The following C1orf105 variants were observed in gnomAD, a reference collection of about 807,000 sequenced individuals.
C1orf105 encodes the protein chromosome 1 open reading frame 105, also known as uncharacterized protein C1orf105.
Under a neutral mutation model 20.8 loss-of-function variants are expected in C1orf105, and 17 were observed. The ratio of observed to expected loss-of-function variants is 0.82; its 90% CI spans 0.56 to 1.23. C1orf105 has a LOEUF of 1.23. Ranked by LOEUF, C1orf105 falls within the 50% of genes most tolerant of loss-of-function variation. The probability of loss-of-function intolerance (pLI) is 0.00; values close to 1 mark genes in which losing one functional copy is unlikely to be tolerated. For missense variants in C1orf105, 219 were observed against 213.5 expected (o/e 1.03, Z -0.16); for synonymous variants, 72 against 72.1 (o/e 1.00, Z 0.01).
chr1:172,453,133 G>T (rs1573878602), intron 3 of C1orf105: 2 of 1,551,020 alleles, frequency 1.3e-6, no homozygotes, highest in Non-Finnish European at 8.7e-7. Flanking sequence ...CCCTTCTCCA[G>T]ATAGAAATGG....
intron 3 of C1orf105, chr1:172,452,729 C>A: frequency 1.0e-6 from 1 of 965,704 alleles, no homozygotes; most frequent in Non-Finnish European, 1.2e-6. Flanking sequence ...TGGCTGAAAT[C>A]TGCATCATAC....
Position 172,452,507 on chromosome 1 carries a change from TAA to T in C1orf105, c.199-3907_199-3906del, listed in dbSNP as rs564983269. Among the ~76,000 whole-genome samples, 763 of 152,050 alleles carry T rather than the reference TAA, an allele frequency of 5.0e-3. 8 individuals carry two copies. The highest frequency in any genetic ancestry group is 0.018 in the African/African-American group (726 of 41,466). On this transcript the variant is annotated intron_variant, in intron 3 of 6. Coordinates refer to ENST00000367727, the MANE Select transcript of C1orf105 (RefSeq NM_139240.4). Reference sequence around the variant, plus strand: ...TTTGTTTTTTATGTGAACAGGTGTGTAAGAGAGAGAAAGAAAGGGAGCGAAAG... The same window carrying T: ...TTTGTTTTTTATGTGAACAGGTGTGTGAGAGAGAAAGAAAGGGAGCGAAAG...
intron 3 of C1orf105, among the ~76,000 whole-genome samples, chr1:172,454,707 T>A (rs1369675510): frequency 6.6e-6 from 1 of 151,828 alleles, no homozygotes; most frequent in Non-Finnish European, 1.5e-5. Flanking sequence ...CATTGCCTGT[T>A]TTTTTTTACC....
In C1orf105 at chr1:172,468,623, C is replaced by G. The variant is rs754596099; in HGVS notation, c.*29C>G. The G allele has an allele frequency of 1.6e-5, 26 of 1,596,340 alleles. No homozygotes were observed. The highest frequency in any genetic ancestry group is 2.1e-5 in the Non-Finnish European group (24 of 1,169,530). On this transcript the variant is annotated 3_prime_UTR_variant, in exon 7 of 7. Transcript: ENST00000367727. ...GTAGGAGCTCATCACCTCCCAGACTCCCAGAGAGAAAATAACCTCGCCAAG... is the reference window on the plus strand; with the variant it reads ...GTAGGAGCTCATCACCTCCCAGACTGCCAGAGAGAAAATAACCTCGCCAAG...
At chr1:172,452,689 T>C in intron 3 of C1orf105, 4 of 730,174 alleles carry the variant, frequency 5.5e-6, no homozygotes, top group Non-Finnish European at 6.7e-6. Context: ...ATGTTTCCAA[T>C]TGTCAAATGT....
At position 172,468,528 on chromosome 1, in the gene C1orf105, T is replaced by C; in HGVS notation, c.486T>C (p.Thr162=). Residue 162 remains threonine, a synonymous_variant, in exon 7 of 7, where the codon ACT becomes ACC. Transcript: ENST00000367727. ...FHGLLTEAYK[T]LKERQRSSLP... is the part of the protein sequence containing the mutation. ...GATTACTGACAGAGGCCTACAAAAC[T>C]CTAAAAGAGAGACAACGTTCTTCCT... 1 of 1,613,962 alleles carries C rather than the reference T, an allele frequency of 6.2e-7. No individual in the cohort carries two copies. The highest frequency in any genetic ancestry group is 8.5e-7 in the Non-Finnish European group (1 of 1,179,920).
intron 1 of C1orf105, among the ~76,000 whole-genome samples, chr1:172,425,568 C>A (rs1047210869): frequency 2.6e-5 from 4 of 152,066 alleles, no homozygotes; most frequent in African/African-American, 7.3e-5. Context: ...AAGGAGTATG[C>A]CTTATCAGGC....
At chr1:172,430,783 G>A (rs1449430890) in intron 1 of C1orf105, among the ~76,000 whole-genome samples, 1 of 152,190 alleles carries the variant, frequency 6.6e-6, no homozygotes, top group Non-Finnish European at 1.5e-5. Context: ...TGGCAACCTT[G>A]TGTTAAGCAA....
At chr1:172,464,593 G>A (rs901246605) in intron 5 of C1orf105, among the ~76,000 whole-genome samples, 1 of 150,992 alleles carries the variant, frequency 6.6e-6, no homozygotes, top group Non-Finnish European at 1.5e-5. Flanking sequence ...TAACCAAAAT[G>A]TTTTCTCAGC....
chr1:172,450,364 T>C (rs1440069327), intron 3 of C1orf105, among the ~76,000 whole-genome samples: 1 of 152,144 alleles, frequency 6.6e-6, no homozygotes, highest in Non-Finnish European at 1.5e-5. Context: ...GTACCTCCAG[T>C]CATATTCTTT....
intron 1 of C1orf105, chr1:172,441,998 T>C: frequency 1.2e-6 from 2 of 1,614,050 alleles, no homozygotes; most frequent in Non-Finnish European, 1.7e-6. Context: ...AGGGCAAAAA[T>C]CTGAATGGCA....
At chr1:172,434,286 T>C (rs868111163) in intron 1 of C1orf105, among the ~76,000 whole-genome samples, 2 of 152,142 alleles carry the variant, frequency 1.3e-5, no homozygotes, top group Non-Finnish European at 2.9e-5. Context: ...CCACCCCACA[T>C]CAACAAAATA....
At chr1:172,456,240 C>T (rs1228779620) in intron 3 of C1orf105, among the ~76,000 whole-genome samples, 175 bp from the exon 4 acceptor site, 11 of 152,180 alleles carry the variant, frequency 7.2e-5, no homozygotes, top group Non-Finnish European at 1.5e-4. Context: ...CTACCAGCTG[C>T]AGCACACTCC....
At chr1:172,465,239 A>T in intron 5 of C1orf105, 60 bp from the exon 6 acceptor site, 1 of 943,836 alleles carries the variant, frequency 1.1e-6, no homozygotes, top group Non-Finnish European at 1.6e-6. Flanking sequence ...ATAAAGGCAC[A>T]TTTCTTTCTA....
chr1:172,467,791 G>A (rs1650167614), intron 6 of C1orf105, among the ~76,000 whole-genome samples: 1 of 152,230 alleles, frequency 6.6e-6, no homozygotes, highest in East Asian at 1.9e-4. Context: ...TTCCCAATGG[G>A]AAGATGTTAT....
intron 4 of C1orf105, among the ~76,000 whole-genome samples, chr1:172,458,783 T>C (rs1298303334): frequency 3.9e-5 from 6 of 152,182 alleles, no homozygotes; most frequent in Non-Finnish European, 5.9e-5. Flanking sequence ...CTCATACTTC[T>C]TGATTTTAAA....
intron 1 of C1orf105, among the ~76,000 whole-genome samples, chr1:172,433,382 A>G (rs189759594): frequency 5.1e-4 from 77 of 152,354 alleles, no homozygotes; most frequent in Non-Finnish European, 2.6e-4. Context: ...AAAGGGAAGC[A>G]CATCAGACTA....
chr1:172,446,931 T>C (rs1648082156), intron 2 of C1orf105, among the ~76,000 whole-genome samples: 1 of 152,190 alleles, frequency 6.6e-6, no homozygotes, highest in Non-Finnish European at 1.5e-5. Flanking sequence ...TCTGGGAGGA[T>C]TGGGGTAGCA....
At position 172,451,859 on chromosome 1, in the gene C1orf105, T is replaced by C. The variant is rs115589465; in HGVS notation, c.198+3328T>C. Among the ~76,000 whole-genome samples, 1,241 of 143,808 alleles carry C rather than the reference T, an allele frequency of 8.6e-3. 26 individuals are homozygous for C. Among genetic ancestry groups the C allele is most frequent in the African/African-American group, 0.03 (1,159 of 38,890 alleles). The allele number at this position is 143,808 out of a possible 152,430, so 94.3% of individuals were successfully genotyped here. ...TGTGGTAGAAATAATTCTGCCTTTATATGGATTCTTTTTTTTTTTTTTTTT... is the reference window on the plus strand; with the variant it reads ...TGTGGTAGAAATAATTCTGCCTTTACATGGATTCTTTTTTTTTTTTTTTTT... On this transcript the variant is annotated intron_variant, in intron 3 of 6. Transcript: ENST00000367727.
Sources: allele counts gnomAD v4.1 joint callset (sites outside exome capture counted in the v4.1 genomes callset), GRCh38; gene constraint gnomAD v4.1.1; transcripts MANE v1.5; gene names NCBI Gene and HGNC (gene_info 2026-07-23, HGNC 2026-07-21).